The following ARHGAP18 variants were observed in gnomAD, a reference collection of about 807,000 sequenced individuals.
ARHGAP18 encodes the protein Rho GTPase activating protein 18, also known as rho GTPase-activating protein 18.
In ARHGAP18, 67 loss-of-function variants were observed where a neutral mutation model predicts 86.2. That is an observed-to-expected ratio of 0.78 (90% confidence interval 0.64 to 0.95). The LOEUF (loss-of-function observed/expected upper bound fraction) is 0.95. Among genes scored for constraint, ARHGAP18 ranks in the 40% least tolerant of loss-of-function variants. The probability of loss-of-function intolerance (pLI) is 0.00; values close to 1 mark genes in which losing one functional copy is unlikely to be tolerated. For synonymous variants in ARHGAP18, 283 were observed against 280.4 expected (o/e 1.01, Z -0.09); for missense variants, 691 against 780.4 (o/e 0.89, Z 1.37).
chr6:129,701,009 A>G (rs1326802621), intron 1 of ARHGAP18, among the ~76,000 whole-genome samples: 1 of 152,010 alleles, frequency 6.6e-6, no homozygotes, highest in African/African-American at 2.4e-5. Context: ...TAAAAAAAAA[A>G]AAAAGACAGG....
At chr6:129,684,412 G>A (rs894307138) in intron 1 of ARHGAP18, among the ~76,000 whole-genome samples, 4 of 152,144 alleles carry the variant, frequency 2.6e-5, no homozygotes, top group Middle Eastern at 3.2e-3. Flanking sequence ...TTCAATTGTG[G>A]TTAGCTCTAG....
In ARHGAP18 at chr6:129,608,064, G is replaced by GAAAAAAAAA. The variant is rs577070164; in HGVS notation, c.1123-21_1123-13dup. On this transcript the variant is annotated splice_polypyrimidine_tract_variant and intron_variant, in intron 8 of 14. Transcript: ENST00000368149. ...TCTTGGCAAAGATTCTGATAGGCACGAAAAAAAAAAAAAAAAAAAAAAGAA... is the reference window on the plus strand; with the variant it reads ...TCTTGGCAAAGATTCTGATAGGCACGAAAAAAAAAAAAAAAAAAAAAAAAAAAAAAAGAA... 80 of 985,054 alleles carry GAAAAAAAAA rather than the reference G, an allele frequency of 8.1e-5. No homozygotes were observed. Among genetic ancestry groups the GAAAAAAAAA allele is most frequent in the Middle Eastern group, 4.2e-4 (1 of 2,384 alleles). The allele number at this position is 985,054 out of a possible 1,614,324, so 61.0% of individuals were successfully genotyped here.
At chr6:129,674,021 C>T (rs1328350146) in intron 1 of ARHGAP18, among the ~76,000 whole-genome samples, 1 of 152,134 alleles carries the variant, frequency 6.6e-6, no homozygotes, top group East Asian at 1.9e-4. Flanking sequence ...TTGTTTTAAG[C>T]TTCTTCCCAA....
At chr6:129,684,557 T>C (rs967128805) in intron 1 of ARHGAP18, among the ~76,000 whole-genome samples, 6 of 152,232 alleles carry the variant, frequency 3.9e-5, no homozygotes, top group Non-Finnish European at 7.3e-5. Context: ...GTTAGAATGC[T>C]GTGTGTTAGT....
intron 1 of ARHGAP18, among the ~76,000 whole-genome samples, chr6:129,649,553 C>CAAAAAAAA (rs35700328): frequency 2.0e-5 from 1 of 49,992 alleles, no homozygotes; most frequent in Non-Finnish European, 3.7e-5. Flanking sequence ...TCTCTGTCTC[C>CAAAAAAAA]AAAAAAAAAA....
intron 1 of ARHGAP18, among the ~76,000 whole-genome samples, chr6:129,676,029 G>A (rs949559300): frequency 1.3e-5 from 2 of 152,188 alleles, no homozygotes; most frequent in African/African-American, 4.8e-5. Flanking sequence ...CAAAAAACCT[G>A]GTTGGTGCCA....
At position 129,645,510 on chromosome 6, in the gene ARHGAP18, C is replaced by A. The variant is rs144893778; in HGVS notation, c.114-3492G>T. On this transcript the variant is annotated intron_variant, in intron 1 of 14. Transcript: ENST00000368149. Reference sequence around the variant, plus strand: ...TTATACCACAGGCAACTACCAGTGACCCCTCCCTGACTTTCTAGCAAGCAA... The same window carrying A: ...TTATACCACAGGCAACTACCAGTGAACCCTCCCTGACTTTCTAGCAAGCAA... Among the ~76,000 whole-genome samples, 5 of 152,280 alleles carry A rather than the reference C, an allele frequency of 3.3e-5. No individual in the cohort carries two copies. The East Asian group carries it at 7.7e-4, about 23-fold the overall frequency.
intron 1 of ARHGAP18, among the ~76,000 whole-genome samples, chr6:129,705,771 A>G (rs959880640): frequency 1.3e-5 from 2 of 152,208 alleles, no homozygotes; most frequent in Admixed American, 6.5e-5. Context: ...TGGGCTTGAC[A>G]GAGGTCATCC....
At chr6:129,649,914 G>GTT (rs374087104) in intron 1 of ARHGAP18, among the ~76,000 whole-genome samples, 17,274 of 128,864 alleles carry the variant, frequency 0.13, 1,396 homozygotes, top group African/African-American at 0.19. Context: ...CTTTTTTTTT[G>GTT]TTTTTTTTTT....
In ARHGAP18 at chr6:129,702,206, C is replaced by T. The variant is rs147107136; in HGVS notation, c.113+7818G>A. Among the ~76,000 whole-genome samples, 21 of 152,280 alleles carry T rather than the reference C, an allele frequency of 1.4e-4. No homozygotes were observed. The East Asian group carries it at 2.7e-3, about 20-fold the overall frequency. ...AAACTACAGGTAGTAACTGGTCACA[C>T]GGGTCTCCATGGTTTCTGTTTATTT... On this transcript the variant is annotated intron_variant, in intron 1 of 14. Coordinates refer to ENST00000368149, the MANE Select transcript of ARHGAP18 (RefSeq NM_033515.3).
intron 1 of ARHGAP18, among the ~76,000 whole-genome samples, chr6:129,701,851 C>G (rs562591632): frequency 6.6e-6 from 1 of 152,186 alleles, no homozygotes; most frequent in South Asian, 2.1e-4. Flanking sequence ...TAAGATGACT[C>G]AGGAGGTAAC....
chr6:129,687,072 A>C (rs1204121371), intron 1 of ARHGAP18, among the ~76,000 whole-genome samples: 4 of 146,720 alleles, frequency 2.7e-5, no homozygotes, highest in Admixed American at 6.9e-5. Context: ...TATTCACACA[A>C]CTCAGCCTCC....
At chr6:129,635,509 A>G (rs991185509) in intron 3 of ARHGAP18, among the ~76,000 whole-genome samples, 2 of 152,238 alleles carry the variant, frequency 1.3e-5, no homozygotes, top group African/African-American at 4.8e-5. Context: ...CCTGCATGGC[A>G]CAATGAGCAG....
chr6:129,584,061 CT>C lies in ARHGAP18; in HGVS notation c.1764del (p.Val589PhefsTer7). 1 of 1,613,816 alleles carries C rather than the reference CT, an allele frequency of 6.2e-7. No homozygotes were observed. Among genetic ancestry groups the C allele is most frequent in the Non-Finnish European group, 8.5e-7 (1 of 1,179,856 alleles). On this transcript the variant is annotated frameshift_variant, in exon 13 of 15. Transcript: ENST00000368149. LOFTEE classifies it high-confidence loss of function. ...TCAGTTAGCTGTATTGCCATGGAAA[CT>C]TTCGAAAGATGGGGAGCTTGCACTC... ...VIRVQAPHLS[K>X]VSMAIQLTEE...
intron 1 of ARHGAP18, among the ~76,000 whole-genome samples, chr6:129,691,125 A>G (rs13214415): frequency 0.017 from 2,612 of 152,362 alleles, 28 homozygotes; most frequent in Non-Finnish European, 0.028. Flanking sequence ...GTCCACTAAT[A>G]CAAATGAGAT....
chr6:129,619,868 T>C (rs890542645), intron 5 of ARHGAP18, among the ~76,000 whole-genome samples: 13 of 151,922 alleles, frequency 8.6e-5, no homozygotes, highest in African/African-American at 3.1e-4. Flanking sequence ...CTTCAGAGCT[T>C]ACCAGTCACC....
chr6:129,655,330 A>AG (rs1173107079), intron 1 of ARHGAP18, among the ~76,000 whole-genome samples: 253 of 146,936 alleles, frequency 1.7e-3, no homozygotes, highest in South Asian at 4.4e-3. Flanking sequence ...AAAAAAAAAA[A>AG]AAAAAAAAAA....
At chr6:129,625,480 T>TAA (rs370425399) in intron 5 of ARHGAP18, among the ~76,000 whole-genome samples, 167 of 41,270 alleles carry the variant, frequency 4.0e-3, no homozygotes, top group Middle Eastern at 0.036. Flanking sequence ...ATATTTTATA[T>TAA]TATATATTAT....
intron 5 of ARHGAP18, among the ~76,000 whole-genome samples, chr6:129,625,587 A>C (rs1212115202): frequency 1.3e-5 from 1 of 74,840 alleles, no homozygotes; most frequent in African/African-American, 5.3e-5. Context: ...ATTATATATT[A>C]TATATTTATA....
Sources: gnomAD v4.1 joint callset for allele counts (sites outside exome capture counted in the v4.1 genomes callset) on GRCh38, gnomAD v4.1.1 for gene constraint, MANE v1.5 for transcripts, NCBI Gene and HGNC (gene_info 2026-07-23, HGNC 2026-07-21) for gene names.